The following DXO variants were observed in gnomAD, a reference collection of about 807,000 sequenced individuals.
DXO encodes the protein decapping and exoribonuclease protein.
A neutral mutation model predicts 39.8 loss-of-function variants in DXO; 42 were observed. The ratio of observed to expected loss-of-function variants is 1.06; its 90% CI spans 0.83 to 1.37. DXO has a LOEUF of 1.37. Among genes scored for constraint, DXO ranks in the 40% most tolerant of loss-of-function variants. The pLI is 0.00. For missense variants in DXO, 495 were observed against 513.0 expected (o/e 0.96, Z 0.34); for synonymous variants, 193 against 200.4 (o/e 0.96, Z 0.31).
rs762105628 is a variant in DXO at position 31,970,806 on chromosome 6, TG to T, written c.611del (p.Pro204GlnfsTer32). The stretch of plus-strand genomic sequence containing the variant: ...TGGTGTTAACCTCCCCAGAGGGGTC[TG>T]GGGAGCTTCCAGGTTTGTCTGCACA... ...YMCADKPGSS[P>X]DPSGEVNTNV... On this transcript the variant is annotated frameshift_variant, in exon 4 of 7. Transcript: ENST00000337523. LOFTEE classifies it high-confidence loss of function. This position sits in a 1 kb window ranked among gnomAD's most constrained non-coding sequence, Gnocchi z 4.0. 5.0e-6 allele frequency: 8 copies of T among 1,612,614 alleles called. No individual in the cohort carries two copies. The African/African-American group carries it at 1.1e-4, about 22-fold the overall frequency.
At position 31,971,531 on chromosome 6, in the gene DXO, G is replaced by C. The variant is rs1163077885; in HGVS notation, c.145C>G (p.Leu49Val). 6.2e-7 allele frequency: 1 copy of C among 1,614,218 alleles called. No homozygotes were observed. Among genetic ancestry groups the C allele is most frequent in the Admixed American group, 1.7e-5 (1 of 60,026 alleles). ...PFPFYRRPSELGCFSLDAQRQ... is the reference protein window; with the variant it reads ...PFPFYRRPSEVGCFSLDAQRQ... Reference sequence around the variant, plus strand: ...TGAGCATCCAGGGAGAAGCAGCCCAGTTCCGAAGGGCGCCGGTAGAAAGGA... The same window carrying C: ...TGAGCATCCAGGGAGAAGCAGCCCACTTCCGAAGGGCGCCGGTAGAAAGGA... Residue 49 changes from leucine to valine, a missense_variant, in exon 2 of 7, where the codon CTG becomes GTG. Leu to Val is a conservative substitution (Grantham distance 32). Transcript: ENST00000337523. This position sits in a 1 kb window ranked among gnomAD's most constrained non-coding sequence, Gnocchi z 4.5.
Position 31,970,486 on chromosome 6 carries a change from G to A in DXO, c.813-8C>T, listed in dbSNP as rs1483441781. On this transcript the variant is annotated splice_region_variant and splice_polypyrimidine_tract_variant and intron_variant, in intron 4 of 6. Coordinates refer to ENST00000337523, the MANE Select transcript of DXO (RefSeq NM_005510.4). The surrounding 1 kb of genome is among the most constrained non-coding windows in gnomAD (Gnocchi z 4.0). ...CATTTCAGGAGCTTGTGTCTGACAG[G>A]AAAAGCAAGGGATCAGTGGGACCCC... The A allele has an allele frequency of 6.2e-7, 1 of 1,614,078 alleles. No homozygotes were observed.
At position 31,970,351 on chromosome 6, in the gene DXO, A is replaced by C; in HGVS notation, c.940T>G (p.Tyr314Asp). Residue 314 changes from tyrosine to aspartate, a missense_variant, in exon 5 of 7, where the codon TAT becomes GAT. Tyr to Asp is a radical substitution (Grantham distance 160, BLOSUM62 -3). Coordinates refer to ENST00000337523, the MANE Select transcript of DXO (RefSeq NM_005510.4). The surrounding 1 kb of genome is among the most constrained non-coding windows in gnomAD (Gnocchi z 4.0). ...CAACATCGTTCCCTTACCCTGACAT[A>C]TTCAAACATCTTCATGGTAGGAAAG... ...KTFPTMKMFE[Y>D]VRNDRDGWNP... The C allele has an allele frequency of 6.2e-7, 1 of 1,614,016 alleles. No individual in the cohort carries two copies. Among genetic ancestry groups the C allele is most frequent in the Non-Finnish European group, 8.5e-7 (1 of 1,179,970 alleles).
chr6:31,971,210 A>G lies in DXO; in HGVS notation c.357-63T>C. The G allele has an allele frequency of 3.2e-6, 5 of 1,580,250 alleles. No individual in the cohort carries two copies. In the East Asian group the frequency reaches 1.1e-4, roughly 36 times the overall value. On this transcript the variant is annotated intron_variant, in intron 2 of 6. Transcript: ENST00000337523. The surrounding 1 kb of genome is among the most constrained non-coding windows in gnomAD (Gnocchi z 4.5). Reference sequence around the variant, plus strand: ...AGCATTAGTGAGATGCTCCCCTCGAAGAATAGTCTTGTTTCTTCTAAGGAC... The same window carrying G: ...AGCATTAGTGAGATGCTCCCCTCGAGGAATAGTCTTGTTTCTTCTAAGGAC...
Position 31,969,866 on chromosome 6 carries a change from C to T in DXO, c.*11G>A. On this transcript the variant is annotated 3_prime_UTR_variant, in exon 7 of 7. Coordinates refer to ENST00000337523, the MANE Select transcript of DXO (RefSeq NM_005510.4). This position sits in a 1 kb window ranked among gnomAD's most constrained non-coding sequence, Gnocchi z 6.1. ...CACACAGAGATATGACTGCCTCCCT[C>T]TAAAGCATTACTATTTGGGAGAGGG... 6.2e-7 allele frequency: 1 copy of T among 1,614,124 alleles called. No individual in the cohort carries two copies. The highest frequency in any genetic ancestry group is 1.6e-4 in the Middle Eastern group (1 of 6,062).
In DXO at chr6:31,972,045, T is replaced by C. The variant is rs1472264695; in HGVS notation, c.-123A>G. 1.2e-6 allele frequency: 2 copies of C among 1,611,652 alleles called. No individual in the cohort carries two copies. The highest frequency in any genetic ancestry group is 1.7e-5 in the Admixed American group (1 of 59,936). On this transcript the variant is annotated 5_prime_UTR_variant, in exon 1 of 7. Transcript: ENST00000337523. This position sits in a 1 kb window ranked among gnomAD's most constrained non-coding sequence, Gnocchi z 6.3. The stretch of plus-strand genomic sequence containing the variant: ...CGATGATGCAATCATTCAGCGACAG[T>C]GGCGGGCAAACCCCTCCCGGGGCGG...
rs1199849908 is a variant in DXO, at chr6:31,971,186, G to C, written c.357-39C>G. The stretch of plus-strand genomic sequence containing the variant: ...GTTACAGGCTGAAGGTCTGACACAA[G>C]CATTAGTGAGATGCTCCCCTCGAAG... On this transcript the variant is annotated intron_variant, in intron 2 of 6. Coordinates refer to ENST00000337523, the MANE Select transcript of DXO (RefSeq NM_005510.4). The surrounding 1 kb of genome is among the most constrained non-coding windows in gnomAD (Gnocchi z 4.5). 6 of 1,597,584 alleles carry C rather than the reference G, an allele frequency of 3.8e-6. No individual in the cohort carries two copies. The highest frequency in any genetic ancestry group is 4.5e-5 in the East Asian group (2 of 44,612).
At position 31,971,590 on chromosome 6, in the gene DXO, A is replaced by G; in HGVS notation, c.86T>C (p.Leu29Pro). 6.2e-7 allele frequency: 1 copy of G among 1,613,956 alleles called. No individual in the cohort carries two copies. Among genetic ancestry groups the G allele is most frequent in the South Asian group, 1.1e-5 (1 of 91,086 alleles). ...AGAGTAGAGGGCAGGGTCTGTGGGC[A>G]GAGAAGGTGCTGGACGAGGTAGTTT... ...RNKLPRPAPS[L>P]PTDPALYSGP... Residue 29 changes from leucine (L) to proline (P), a missense_variant, in exon 2 of 7, where the codon CTG becomes CCG. Coordinates refer to ENST00000337523, the MANE Select transcript of DXO (RefSeq NM_005510.4). The surrounding 1 kb of genome is among the most constrained non-coding windows in gnomAD (Gnocchi z 4.5).
chr6:31,971,668 G>A lies in DXO; in HGVS notation c.8C>T (p.Pro3Leu). MD[P>L]RGTKRGAEKT... ...CTCAGCTCCTCTCTTGGTCCCCCTG[G>A]GATCCATGAGGTCCTAAGACAAGCA... Residue 3 changes from proline to leucine, a missense_variant, in exon 2 of 7, where the codon CCC becomes CTC. Physicochemically the swap from Pro to Leu is moderately conservative, Grantham distance 98. Coordinates refer to ENST00000337523, the MANE Select transcript of DXO (RefSeq NM_005510.4). The surrounding 1 kb of genome is among the most constrained non-coding windows in gnomAD (Gnocchi z 4.5). 1 of 1,604,220 alleles carries A rather than the reference G, an allele frequency of 6.2e-7. No individual in the cohort carries two copies. Among genetic ancestry groups the A allele is most frequent in the Non-Finnish European group, 8.5e-7 (1 of 1,179,060 alleles).
rs570266676 is a variant in DXO, at chr6:31,971,109, C to T, written c.395G>A (p.Arg132Gln). The change falls in exon 3 of 7, where the codon CGG (arginine) becomes CAG (glutamine). Residue 132 changes from arginine to glutamine, a missense_variant. Arg to Gln is a conservative substitution (Grantham distance 43, BLOSUM62 1). Coordinates refer to ENST00000337523, the MANE Select transcript of DXO (RefSeq NM_005510.4). This position sits in a 1 kb window ranked among gnomAD's most constrained non-coding sequence, Gnocchi z 4.5. ...GWLAEAIVTW[R>Q]GHLTKLLTTP... is the part of the protein sequence containing the mutation. ...CGTCAGCAGTTTTGTCAGGTGCCCCCGCCACGTCACTATGGCCTCTGCCAG... is the reference window on the plus strand; with the variant it reads ...CGTCAGCAGTTTTGTCAGGTGCCCCTGCCACGTCACTATGGCCTCTGCCAG... 11 of 1,612,840 alleles carry T rather than the reference C, an allele frequency of 6.8e-6. No individual in the cohort carries two copies. Among genetic ancestry groups the T allele is most frequent in the East Asian group, 4.5e-5 (2 of 44,870 alleles).
In DXO at chr6:31,970,818, A is replaced by T. The variant is rs1203394896; in HGVS notation, c.600T>A (p.Pro200=). ...CCCCAGAGGGGTCTGGGGAGCTTCCAGGTTTGTCTGCACAAGGAGAGAAGC... is the reference window on the plus strand; with the variant it reads ...CCCCAGAGGGGTCTGGGGAGCTTCCTGGTTTGTCTGCACAAGGAGAGAAGC... The part of the protein sequence containing the change: ...KFEQYMCADK[P]GSSPDPSGEV... Residue 200 remains proline, a synonymous_variant, in exon 4 of 7, where the codon CCT becomes CCA. Coordinates refer to ENST00000337523, the MANE Select transcript of DXO (RefSeq NM_005510.4). The surrounding 1 kb of genome is among the most constrained non-coding windows in gnomAD (Gnocchi z 4.0). 6.2e-7 allele frequency: 1 copy of T among 1,612,610 alleles called. No homozygotes were observed. The highest frequency in any genetic ancestry group is 1.6e-4 in the Middle Eastern group (1 of 6,062).
In DXO at chr6:31,971,241, C is replaced by A; in HGVS notation, c.356+79G>T. 1.3e-6 allele frequency: 2 copies of A among 1,548,104 alleles called. No individual in the cohort carries two copies. Among genetic ancestry groups the A allele is most frequent in the East Asian group, 2.3e-5 (1 of 44,312 alleles). ...GTCTTGTTTCTTCTAAGGACTGATT[C>A]TCACCCCGGCTTTGGCTCTCCTAAT... On this transcript the variant is annotated intron_variant, in intron 2 of 6. Coordinates refer to ENST00000337523, the MANE Select transcript of DXO (RefSeq NM_005510.4). The surrounding 1 kb of genome is among the most constrained non-coding windows in gnomAD (Gnocchi z 4.5).
At position 31,970,006 on chromosome 6, in the gene DXO, A is replaced by G. The variant is rs757714229; in HGVS notation, c.1062T>C (p.Ser354=). ...QDDPRLVHLF[S]WEPGGPVTVS... ...CGGTGACTGGGCCGCCAGGCTCCCA[A>G]GAGAAGAGATGAACGAGCCTGGGGG... Residue 354 remains serine (S), a synonymous_variant, in exon 7 of 7, where the codon TCT becomes TCC. Transcript: ENST00000337523. The surrounding 1 kb of genome is among the most constrained non-coding windows in gnomAD (Gnocchi z 4.0). 15 of 1,614,014 alleles carry G rather than the reference A, an allele frequency of 9.3e-6. No homozygotes were observed. Among genetic ancestry groups the G allele is most frequent in the Non-Finnish European group, 1.3e-5 (15 of 1,180,012 alleles).
At position 31,971,256 on chromosome 6, in the gene DXO, G is replaced by T; in HGVS notation, c.356+64C>A. ...AGGACTGATTCTCACCCCGGCTTTGGCTCTCCTAATTTTAGAGGGTAGGTA... is the reference window on the plus strand; with the variant it reads ...AGGACTGATTCTCACCCCGGCTTTGTCTCTCCTAATTTTAGAGGGTAGGTA... On this transcript the variant is annotated intron_variant, in intron 2 of 6. Coordinates refer to ENST00000337523, the MANE Select transcript of DXO (RefSeq NM_005510.4). This position sits in a 1 kb window ranked among gnomAD's most constrained non-coding sequence, Gnocchi z 4.5. 6.5e-7 allele frequency: 1 copy of T among 1,540,372 alleles called. No individual in the cohort carries two copies. The highest frequency in any genetic ancestry group is 8.8e-7 in the Non-Finnish European group (1 of 1,142,458).
In DXO at chr6:31,971,060, G is replaced by A. The variant is rs764659964; in HGVS notation, c.444C>T (p.Gly148=). Residue 148 remains glycine, a synonymous_variant, in exon 3 of 7, where the codon GGC becomes GGT. Coordinates refer to ENST00000337523, the MANE Select transcript of DXO (RefSeq NM_005510.4). The surrounding 1 kb of genome is among the most constrained non-coding windows in gnomAD (Gnocchi z 4.5). ...GGAACCGGGAGGCTGCCAGCTGCCA[G>A]CCCTCCTGCCGCTCATACGGTGTCG... ...LLTTPYERQE[G]WQLAASRFQG... is the part of the protein sequence containing the mutation. 6.2e-7 allele frequency: 1 copy of A among 1,612,958 alleles called. No individual in the cohort carries two copies. Among genetic ancestry groups the A allele is most frequent in the Non-Finnish European group, 8.5e-7 (1 of 1,180,020 alleles).
In DXO at chr6:31,971,027, T is replaced by A. The variant is rs923699159; in HGVS notation, c.477A>T (p.Thr159=). The part of the protein sequence containing the change: ...WQLAASRFQG[T]LYLSEVETPN... Reference sequence around the variant, plus strand: ...GTGTCTCCACTTCACTCAGGTATAGTGTTCCCTGGAACCGGGAGGCTGCCA... The same window carrying A: ...GTGTCTCCACTTCACTCAGGTATAGAGTTCCCTGGAACCGGGAGGCTGCCA... Residue 159 remains threonine (T), a synonymous_variant, in exon 3 of 7, where the codon ACA becomes ACT. Transcript: ENST00000337523. The surrounding 1 kb of genome is among the most constrained non-coding windows in gnomAD (Gnocchi z 4.5). The A allele has an allele frequency of 6.2e-7, 1 of 1,612,872 alleles. No homozygotes were observed. Among genetic ancestry groups the A allele is most frequent in the African/African-American group, 1.3e-5 (1 of 74,882 alleles).
In DXO at chr6:31,969,969, G is replaced by C. The variant is rs749366499; in HGVS notation, c.1099C>G (p.Gln367Glu). 5.6e-6 allele frequency: 9 copies of C among 1,614,078 alleles called. No homozygotes were observed. The highest frequency in any genetic ancestry group is 7.6e-6 in the Non-Finnish European group (9 of 1,180,024). The change falls in exon 7 of 7, where the codon CAA (glutamine) becomes GAA (glutamate). Residue 367 changes from glutamine (Q) to glutamate (E), a missense_variant. Coordinates refer to ENST00000337523, the MANE Select transcript of DXO (RefSeq NM_005510.4). This position sits in a 1 kb window ranked among gnomAD's most constrained non-coding sequence, Gnocchi z 6.1. ...GGCAGGAAGGCGTAAGGTGCATCTT[G>C]GTGTACAGACACGGTGACTGGGCCG... is the stretch of plus-strand genomic sequence containing the variant. ...PGGPVTVSVHQDAPYAFLPIW... is the reference protein window; with the variant it reads ...PGGPVTVSVHEDAPYAFLPIW...
In DXO at chr6:31,970,878, A is replaced by T; in HGVS notation, c.592+34T>A. ...CGTGGGGGGCTCTCAACCTCTGGGA[A>T]GGGGAAGGGGGCTATGAAGCAGGGG... On this transcript the variant is annotated intron_variant, in intron 3 of 6. Coordinates refer to ENST00000337523, the MANE Select transcript of DXO (RefSeq NM_005510.4). This position sits in a 1 kb window ranked among gnomAD's most constrained non-coding sequence, Gnocchi z 4.0. 6.2e-7 allele frequency: 1 copy of T among 1,611,042 alleles called. No individual in the cohort carries two copies. Among genetic ancestry groups the T allele is most frequent in the Non-Finnish European group, 8.5e-7 (1 of 1,178,506 alleles).
rs200467482 is a variant in DXO at position 31,971,504 on chromosome 6, G to A, written c.172C>T (p.Arg58Cys). The A allele has an allele frequency of 2.5e-6, 4 of 1,614,170 alleles. No individual in the cohort carries two copies. Among genetic ancestry groups the A allele is most frequent in the East Asian group, 4.5e-5 (2 of 44,882 alleles). ...GCTCGGGCATCTCCATGGTACTGGC[G>A]TTGAGCATCCAGGGAGAAGCAGCCC... Reference protein sequence around the residue: ...ELGCFSLDAQRQYHGDARALR... With the variant: ...ELGCFSLDAQCQYHGDARALR... Residue 58 changes from arginine (R) to cysteine (C), a missense_variant, in exon 2 of 7, where the codon CGC (arginine) becomes TGC (cysteine). Arg to Cys is a radical substitution (Grantham distance 180). Coordinates refer to ENST00000337523, the MANE Select transcript of DXO (RefSeq NM_005510.4). This position sits in a 1 kb window ranked among gnomAD's most constrained non-coding sequence, Gnocchi z 4.5.
Sources: allele counts gnomAD v4.1 joint callset, GRCh38; gene constraint gnomAD v4.1.1; non-coding constraint Gnocchi (gnomAD v3.1); transcripts MANE v1.5; gene names NCBI Gene and HGNC (gene_info 2026-07-23, HGNC 2026-07-21).